SH3RF3: variants seen among roughly 807,000 people sequenced by gnomAD.
SH3RF3 encodes SH3 domain containing ring finger 3, also known as E3 ubiquitin-protein ligase SH3RF3.
In SH3RF3, 29 loss-of-function variants were observed where a neutral mutation model predicts 66.3. The ratio of observed to expected loss-of-function variants is 0.44; its 90% CI spans 0.33 to 0.60. The LOEUF (loss-of-function observed/expected upper bound fraction) is 0.60. SH3RF3 is among the 20% of genes least tolerant of loss of function. The probability of loss-of-function intolerance (pLI) is 0.04; values close to 1 mark genes in which losing one functional copy is unlikely to be tolerated. For missense variants in SH3RF3, 1,194 were observed against 1,190.9 expected (o/e 1.00, Z -0.04); for synonymous variants, 583 against 532.0 (o/e 1.10, Z -1.32).
chr2:109,433,103 G>A (rs879227787), intron 6 of SH3RF3, among the ~76,000 whole-genome samples: 19 of 152,256 alleles, frequency 1.2e-4, no homozygotes, highest in African/African-American at 4.1e-4. Context: ...TGCAGTGTGC[G>A]TGCCTGTGCA....
intron 1 of SH3RF3, among the ~76,000 whole-genome samples, chr2:109,166,448 G>A (rs1182451775): frequency 2.3e-5 from 3 of 128,486 alleles, no homozygotes; most frequent in Non-Finnish European, 3.2e-5. Flanking sequence ...CTGTACTCCA[G>A]CCTGGTGACA....
intron 1 of SH3RF3, among the ~76,000 whole-genome samples, chr2:109,323,160 G>A (rs1211514832): frequency 6.6e-6 from 1 of 152,212 alleles, no homozygotes. Flanking sequence ...CAGAGACAAT[G>A]CAATGGGTGG....
chr2:109,428,959 A>G (rs1051078368), intron 5 of SH3RF3, among the ~76,000 whole-genome samples: 12 of 152,138 alleles, frequency 7.9e-5, no homozygotes, highest in Non-Finnish European at 1.5e-4. Flanking sequence ...CTGGCTCGCC[A>G]CTGAGTGCAG....
In SH3RF3 at chr2:109,490,797, G is replaced by A. The variant is rs945059845; in HGVS notation, c.2341G>A (p.Glu781Lys). The A allele has an allele frequency of 7.8e-6, 12 of 1,536,898 alleles. No homozygotes were observed. The highest frequency in any genetic ancestry group is 5.9e-5 in the Admixed American group (3 of 50,972). ...GGCAGGGTCCTGCCCCATAGAGAGCGAGATGCAGGGTGCCATGGGGATGGA... is the reference window on the plus strand; with the variant it reads ...GGCAGGGTCCTGCCCCATAGAGAGCAAGATGCAGGGTGCCATGGGGATGGA... The part of the protein sequence containing the change: ...GRAGSCPIES[E>K]MQGAMGMEPL... Residue 781 changes from glutamate (E) to lysine (K), a missense_variant, in exon 9 of 10, where the codon GAG becomes AAG. Physicochemically the swap from Glu to Lys is moderately conservative, Grantham distance 56. Transcript: ENST00000309415.
At chr2:109,467,504 G>A (rs578105995) in intron 8 of SH3RF3, among the ~76,000 whole-genome samples, 1 of 152,316 alleles carries the variant, frequency 6.6e-6, no homozygotes, top group South Asian at 2.1e-4. Flanking sequence ...CAGCAGGACT[G>A]GGGGGCTTGG....
At position 109,354,029 on chromosome 2, in the gene SH3RF3, G is replaced by A. The variant is rs111761174; in HGVS notation, c.849+6080G>A. ...CAGGACAAAGATGCAGGGCCAGCCC[G>A]CTAGGTGGGGGAGCTGATGGTGGCT... On this transcript the variant is annotated intron_variant, in intron 2 of 9. Coordinates refer to ENST00000309415, the MANE Select transcript of SH3RF3 (RefSeq NM_001099289.3). 7.5e-3 allele frequency among the ~76,000 whole-genome samples: 1,143 copies of A among 152,336 alleles called. 17 individuals carry two copies. Among genetic ancestry groups the A allele is most frequent in the African/African-American group, 0.026 (1,076 of 41,578 alleles).
At chr2:109,300,850 A>G (rs140261817) in intron 1 of SH3RF3, among the ~76,000 whole-genome samples, 2 of 152,232 alleles carry the variant, frequency 1.3e-5, no homozygotes, top group African/African-American at 4.8e-5. Flanking sequence ...CTCCTACTAA[A>G]TCAGAACGAC....
At chr2:109,190,066 G>C (rs1678307120) in intron 1 of SH3RF3, among the ~76,000 whole-genome samples, 1 of 152,228 alleles carries the variant, frequency 6.6e-6, no homozygotes. Flanking sequence ...TGTTGTAATT[G>C]TCGTTGCTTT....
At chr2:109,271,604 A>G (rs577553923) in intron 1 of SH3RF3, among the ~76,000 whole-genome samples, 1 of 152,330 alleles carries the variant, frequency 6.6e-6, no homozygotes, top group East Asian at 1.9e-4. Context: ...TGGAGTGGGG[A>G]CCAACAATGG....
chr2:109,335,405 A>T (rs551539806), intron 1 of SH3RF3, among the ~76,000 whole-genome samples: 7 of 151,824 alleles, frequency 4.6e-5, no homozygotes, highest in Non-Finnish European at 2.9e-5. Flanking sequence ...CACAGCCCCT[A>T]CCCTGGGAAG....
intron 1 of SH3RF3, among the ~76,000 whole-genome samples, chr2:109,264,391 C>T (rs1574537967): frequency 1.3e-5 from 2 of 151,732 alleles, no homozygotes; most frequent in Non-Finnish European, 2.9e-5. Flanking sequence ...CAGGATCCAC[C>T]TCGAGTCTGT....
chr2:109,369,198 A>T (rs1382286096), intron 2 of SH3RF3, among the ~76,000 whole-genome samples: 3 of 151,248 alleles, frequency 2.0e-5, no homozygotes, highest in Non-Finnish European at 2.9e-5. Context: ...AAAAAAAAAA[A>T]TTAGCCGGGA....
intron 4 of SH3RF3, among the ~76,000 whole-genome samples, chr2:109,417,597 C>G (rs1346238868): frequency 6.6e-6 from 1 of 152,146 alleles, no homozygotes; most frequent in Non-Finnish European, 1.5e-5. Flanking sequence ...CTCTCAGGAT[C>G]CTTTGAAAAT....
intron 8 of SH3RF3, among the ~76,000 whole-genome samples, chr2:109,458,538 C>T (rs1678121409): frequency 7.5e-6 from 1 of 132,938 alleles, no homozygotes. Context: ...TTGTATCAGT[C>T]AGGGATCTCC....
chr2:109,338,921 A>G (rs1323105404), intron 1 of SH3RF3, among the ~76,000 whole-genome samples: 2 of 108,444 alleles, frequency 1.8e-5, no homozygotes, highest in East Asian at 3.2e-4. Context: ...TGATAACACA[A>G]ACAGTTGATC....
At chr2:109,445,402 A>AAAGGAT (rs566702587) in intron 7 of SH3RF3, among the ~76,000 whole-genome samples, 57 of 152,386 alleles carry the variant, frequency 3.7e-4, no homozygotes, top group Admixed American at 2.6e-3. Flanking sequence ...TTAAAGCATC[A>AAAGGAT]AAGGATAAGG....
chr2:109,386,416 TA>T (rs970134624), intron 3 of SH3RF3, among the ~76,000 whole-genome samples: 181 of 147,120 alleles, frequency 1.2e-3, no homozygotes, highest in East Asian at 2.6e-3. Context: ...ACAAGAAGTT[TA>T]AAAAAAAAAA....
At chr2:109,321,779 G>A (rs946373083) in intron 1 of SH3RF3, among the ~76,000 whole-genome samples, 1 of 152,202 alleles carries the variant, frequency 6.6e-6, no homozygotes, top group Non-Finnish European at 1.5e-5. Flanking sequence ...TATTCTGCTA[G>A]AGAGATGTGT....
chr2:109,203,389 G>C (rs551852002), intron 1 of SH3RF3, among the ~76,000 whole-genome samples: 1 of 152,296 alleles, frequency 6.6e-6, no homozygotes, highest in Non-Finnish European at 1.5e-5. Flanking sequence ...GCCTTGGGAG[G>C]GTGTTTCCGC....
Sources: allele counts gnomAD v4.1 joint callset (sites outside exome capture counted in the v4.1 genomes callset), GRCh38; gene constraint gnomAD v4.1.1; transcripts MANE v1.5; gene names NCBI Gene and HGNC (gene_info 2026-07-23, HGNC 2026-07-21).